The following ZNF462 variants were observed in gnomAD, a reference collection of about 807,000 sequenced individuals.
The protein encoded by ZNF462 is zinc finger protein 462.
ZNF462 carries 10 observed loss-of-function variants against 201.9 expected under a neutral mutation model. That is an observed-to-expected ratio of 0.05 (90% CI 0.03 to 0.08). The LOEUF (loss-of-function observed/expected upper bound fraction) is 0.08, where lower values mean the gene tolerates loss of function less well. Ranked by LOEUF, ZNF462 falls within the 10% of genes least tolerant of loss-of-function variation. ZNF462 has a pLI of 1.00. For missense variants in ZNF462, 2,523 were observed against 3,168.3 expected (o/e 0.80, Z 4.89); for synonymous variants, 1,227 against 1,193.3 (o/e 1.03, Z -0.58).
Position 106,997,792 on chromosome 9 carries a change from C to T in ZNF462, c.7057-5502C>T, listed in dbSNP as rs945671606. Among the ~76,000 whole-genome samples, 41 of 152,244 alleles carry T rather than the reference C, an allele frequency of 2.7e-4. 1 individual carries two copies. Among genetic ancestry groups the T allele is most frequent in the East Asian group, 3.9e-4 (2 of 5,166 alleles). On this transcript the variant is annotated intron_variant, in intron 10 of 12. Coordinates refer to ENST00000277225, the MANE Select transcript of ZNF462 (RefSeq NM_021224.6). ...GGGTTGGCAAACTATGATGCATGGACCAAATCTAGTCCACCTCCTTTTTTA... is the reference window on the plus strand; with the variant it reads ...GGGTTGGCAAACTATGATGCATGGATCAAATCTAGTCCACCTCCTTTTTTA...
In ZNF462 at chr9:107,006,245, T is replaced by G. The variant is rs1007134419; in HGVS notation, c.7189+2819T>G. Among the ~76,000 whole-genome samples, 3 of 152,154 alleles carry G rather than the reference T, an allele frequency of 2.0e-5. No homozygotes were observed. The highest frequency in any genetic ancestry group is 4.4e-5 in the Non-Finnish European group (3 of 68,030). ...TCACCCAGTTCCTAGAATATAACAA[T>G]CACCTAATAAATGATAAGCCTGCAA... On this transcript the variant is annotated intron_variant, in intron 11 of 12. Transcript: ENST00000277225. The surrounding 1 kb of genome is among the most constrained non-coding windows in gnomAD (Gnocchi z 4.3).
At chr9:106,892,255 C>A (rs1020765723) in intron 1 of ZNF462, among the ~76,000 whole-genome samples, 11 of 152,186 alleles carry the variant, frequency 7.2e-5, no homozygotes, top group African/African-American at 2.7e-4. Context: ...GAGGTCCTTT[C>A]CTTTTGTTCT....
chr9:106,986,509 C>G (rs1329276771), intron 10 of ZNF462, among the ~76,000 whole-genome samples: 2 of 152,100 alleles, frequency 1.3e-5, no homozygotes, highest in African/African-American at 2.4e-5. Context: ...GAATTGTGTT[C>G]AAATATAATA....
chr9:106,959,971 C>A (rs1831753877), intron 7 of ZNF462, among the ~76,000 whole-genome samples: 1 of 151,912 alleles, frequency 6.6e-6, no homozygotes, highest in South Asian at 2.1e-4. Flanking sequence ...TATAGCTTAA[C>A]CTAGAGCGAG....
chr9:106,913,044 G>C lies in ZNF462; in HGVS notation c.-30-10310G>C, dbSNP rs769173801. On this transcript the variant is annotated intron_variant, in intron 1 of 12. Transcript: ENST00000277225. This position sits in a 1 kb window ranked among gnomAD's most constrained non-coding sequence, Gnocchi z 4.1. ...CAAGTGTAGTCAGGTGATGACTCCA[G>C]GTGTCACATCAGTTCAGGGTAGCTT... 1.9e-4 allele frequency among the ~76,000 whole-genome samples: 29 copies of C among 152,168 alleles called. No individual in the cohort carries two copies. The highest frequency in any genetic ancestry group is 3.4e-4 in the Non-Finnish European group (23 of 68,042).
At chr9:106,910,146 A>G (rs141292323) in intron 1 of ZNF462, among the ~76,000 whole-genome samples, 1,660 of 152,162 alleles carry the variant, frequency 0.011, 13 homozygotes, top group Non-Finnish European at 0.017. Context: ...TACTTCTGCA[A>G]TGATATTATT....
In ZNF462 at chr9:106,928,703, G is replaced by A. The variant is rs1830302825; in HGVS notation, c.4791G>A (p.Glu1597=). 6.2e-7 allele frequency: 1 copy of A among 1,614,148 alleles called. No homozygotes were observed. Among genetic ancestry groups the A allele is most frequent in the South Asian group, 1.1e-5 (1 of 91,066 alleles). The change falls in exon 3 of 13, where the codon GAG becomes GAA. Residue 1597 remains glutamate, a synonymous_variant. Coordinates refer to ENST00000277225, the MANE Select transcript of ZNF462 (RefSeq NM_021224.6). This position sits in a 1 kb window ranked among gnomAD's most constrained non-coding sequence, Gnocchi z 9.3. ...GTLEKLKIHY[E]KYHNQPEFDV... ...TGGAGAAACTAAAAATCCACTACGA[G>A]AAGTATCACAATCAGCCTGAATTTG...
intron 9 of ZNF462, chr9:106,975,827 C>T (rs1826959370): frequency 1.3e-5 from 2 of 152,194 alleles, no homozygotes; most frequent in Admixed American, 1.3e-4. Flanking sequence ...ACTTTCCCTC[C>T]CTGAGCTGAG....
chr9:106,981,213 AG>A lies in ZNF462; in HGVS notation c.6833-2970del, dbSNP rs1373481245. ...TCTAGATTTCAGATTTAAGTTCAGC[AG>A]GGATTTGACCCTTTCCTCAAATGTA... On this transcript the variant is annotated intron_variant, in intron 9 of 12. Coordinates refer to ENST00000277225, the MANE Select transcript of ZNF462 (RefSeq NM_021224.6). This position sits in a 1 kb window ranked among gnomAD's most constrained non-coding sequence, Gnocchi z 4.0. Among the ~76,000 whole-genome samples the A allele has an allele frequency of 2.6e-5, 4 of 152,376 alleles. No individual in the cohort carries two copies. The highest frequency in any genetic ancestry group is 4.1e-4 in the South Asian group (2 of 4,832).
intron 7 of ZNF462, among the ~76,000 whole-genome samples, chr9:106,953,362 A>G (rs1831437178): frequency 6.6e-6 from 1 of 152,080 alleles, no homozygotes; most frequent in Non-Finnish European, 1.5e-5. Flanking sequence ...CATGACCTTG[A>G]TCCCTATGAC....
chr9:106,906,514 A>G (rs1047571101), intron 1 of ZNF462, among the ~76,000 whole-genome samples: 2 of 152,190 alleles, frequency 1.3e-5, no homozygotes, highest in Admixed American at 1.3e-4. Flanking sequence ...TTATCTTCAT[A>G]ACCTTAAGGC....
chr9:106,879,620 G>A (rs148732121), intron 1 of ZNF462, among the ~76,000 whole-genome samples: 1 of 152,046 alleles, frequency 6.6e-6, no homozygotes, highest in Non-Finnish European at 1.5e-5. Context: ...GCTCAGATTT[G>A]AGACCGGCCA....
chr9:107,009,762 AC>A lies in ZNF462; in HGVS notation c.7313+98del. ...TTTTGGTTCCCCTGACAGTATGTACACCCCTCTGTGTCACATTTCTGGGCCG... is the reference window on the plus strand; with the variant it reads ...TTTTGGTTCCCCTGACAGTATGTACACCCTCTGTGTCACATTTCTGGGCCG... On this transcript the variant is annotated intron_variant, in intron 12 of 12. Transcript: ENST00000277225. This position sits in a 1 kb window ranked among gnomAD's most constrained non-coding sequence, Gnocchi z 6.1. The A allele has an allele frequency of 6.5e-7, 1 of 1,544,460 alleles. No individual in the cohort carries two copies. Among genetic ancestry groups the A allele is most frequent in the Non-Finnish European group, 8.8e-7 (1 of 1,138,160 alleles).
chr9:107,007,496 C>T (rs991283602), intron 11 of ZNF462, among the ~76,000 whole-genome samples: 2 of 152,146 alleles, frequency 1.3e-5, no homozygotes, highest in African/African-American at 2.4e-5. Context: ...TGGAGAAGCA[C>T]GTATTCCTCT....
chr9:106,986,964 G>C (rs1327588378), intron 10 of ZNF462, among the ~76,000 whole-genome samples: 2 of 149,906 alleles, frequency 1.3e-5, no homozygotes, highest in Non-Finnish European at 3.0e-5. Context: ...TTATGGCTGA[G>C]TAGTATTCCA....
In ZNF462 at chr9:106,935,908, A is replaced by G. The variant is rs1830611541; in HGVS notation, c.6235+287A>G. On this transcript the variant is annotated intron_variant, in intron 6 of 12. Transcript: ENST00000277225. This position sits in a 1 kb window ranked among gnomAD's most constrained non-coding sequence, Gnocchi z 4.1. The stretch of plus-strand genomic sequence containing the variant: ...GAATTAGACTGTTGGTGATTTTTAC[A>G]GAAATTTCTAAACTGCCTATACTTT... Among the ~76,000 whole-genome samples the G allele has an allele frequency of 1.3e-5, 2 of 152,238 alleles. No homozygotes were observed. The highest frequency in any genetic ancestry group is 4.8e-5 in the African/African-American group (2 of 41,466).
At chr9:106,958,176 G>A (rs1236834483) in intron 7 of ZNF462, among the ~76,000 whole-genome samples, 1 of 151,974 alleles carries the variant, frequency 6.6e-6, no homozygotes, top group Non-Finnish European at 1.5e-5. Context: ...TTCTCACAGT[G>A]GGAATGCATT....
intron 1 of ZNF462, among the ~76,000 whole-genome samples, chr9:106,882,715 G>C (rs1285370733): frequency 6.6e-6 from 1 of 152,124 alleles, no homozygotes; most frequent in Non-Finnish European, 1.5e-5. Context: ...ATTCAAACTC[G>C]AATATTCAGT....
At chr9:106,943,569 C>T (rs564808135) in intron 7 of ZNF462, among the ~76,000 whole-genome samples, 10 of 152,150 alleles carry the variant, frequency 6.6e-5, no homozygotes, top group Non-Finnish European at 1.0e-4. Context: ...GGATTTCTTT[C>T]CTGTCTGCTT....
Sources: allele counts gnomAD v4.1 joint callset (sites outside exome capture counted in the v4.1 genomes callset), GRCh38; gene constraint gnomAD v4.1.1; non-coding constraint Gnocchi (gnomAD v3.1); transcripts MANE v1.5; gene names NCBI Gene and HGNC (gene_info 2026-07-23, HGNC 2026-07-21).